The following DIAPH1 variants were observed in gnomAD, a reference collection of about 807,000 sequenced individuals.
The protein encoded by DIAPH1 is diaphanous related formin 1, also known as protein diaphanous homolog 1.
A neutral mutation model predicts 140.7 loss-of-function variants in DIAPH1; 46 were observed. The ratio of observed to expected loss-of-function variants is 0.33; its 90% CI spans 0.26 to 0.42. DIAPH1 has a LOEUF of 0.42. Ranked by LOEUF, DIAPH1 falls within the 10% of genes least tolerant of loss-of-function variation. DIAPH1 has a pLI of 1.00. For synonymous variants in DIAPH1, 565 were observed against 551.6 expected (o/e 1.02, Z -0.34); for missense variants, 1,310 against 1,558.7 (o/e 0.84, Z 2.69).
At position 141,588,262 on chromosome 5, in the gene DIAPH1, GA is replaced by G; in HGVS notation, c.118-13del. The stretch of plus-strand genomic sequence containing the variant: ...AGCCGCTTCAGAGTCTAGGAAACAG[GA>G]AAAAGGAGGGAGAAGAAAGAAGAGA... On this transcript the variant is annotated splice_polypyrimidine_tract_variant and intron_variant, in intron 1 of 27. Transcript: ENST00000389054. 4 of 1,608,312 alleles carry G rather than the reference GA, an allele frequency of 2.5e-6. No homozygotes were observed. The highest frequency in any genetic ancestry group is 3.4e-6 in the Non-Finnish European group (4 of 1,175,076).
At chr5:141,533,992 T>C (rs929379469) in intron 19 of DIAPH1, among the ~76,000 whole-genome samples, 3 of 136,692 alleles carry the variant, frequency 2.2e-5, no homozygotes, top group African/African-American at 8.4e-5. Flanking sequence ...GATCGCATTA[T>C]TACACCCCAG....
At chr5:141,529,381 G>C (rs1415651314) in intron 20 of DIAPH1, 108 bp from the exon 21 acceptor site, 9 of 1,011,738 alleles carry the variant, frequency 8.9e-6, no homozygotes, top group Non-Finnish European at 1.2e-5. Flanking sequence ...GGACCATACA[G>C]AAAGAAACAT....
chr5:141,576,329 A>G (rs758021661), intron 13 of DIAPH1, 35 bp from the exon 14 acceptor site: 1 of 1,507,490 alleles, frequency 6.6e-7, no homozygotes, highest in East Asian at 2.2e-5. Flanking sequence ...TAAAGCTCCT[A>G]ATTCTCTTGT....
chr5:141,530,147 T>C (rs931297690), intron 19 of DIAPH1, among the ~76,000 whole-genome samples: 13 of 152,214 alleles, frequency 8.5e-5, no homozygotes, highest in Non-Finnish European at 1.6e-4. Context: ...TCTCAGGACG[T>C]GATCCTCAAA....
chr5:141,578,190 C>A (rs777413055), intron 11 of DIAPH1, 35 bp downstream of exon 11: 1 of 1,462,500 alleles, frequency 6.8e-7, no homozygotes, highest in South Asian at 1.1e-5. Flanking sequence ...CAATGAATGT[C>A]TCATCTGCCT....
At chr5:141,607,135 A>C (rs1213457884) in intron 1 of DIAPH1, among the ~76,000 whole-genome samples, 1 of 152,206 alleles carries the variant, frequency 6.6e-6, no homozygotes, top group Non-Finnish European at 1.5e-5. Context: ...CCCCAAAATA[A>C]GATATAAACA....
intron 11 of DIAPH1, 110 bp downstream of exon 11, chr5:141,578,115 C>A: frequency 1.2e-6 from 1 of 847,166 alleles, no homozygotes; most frequent in Non-Finnish European, 2.1e-6. Context: ...GACACATAAG[C>A]CTGATGCTCT....
intron 1 of DIAPH1, among the ~76,000 whole-genome samples, chr5:141,607,651 C>G (rs1024958660): frequency 3.3e-5 from 5 of 152,196 alleles, no homozygotes; most frequent in African/African-American, 1.2e-4. Flanking sequence ...AAAATAATTT[C>G]TATGAAGTGG....
intron 26 of DIAPH1, 99 bp downstream of exon 26, chr5:141,525,939 G>C (rs1320300283): frequency 1.9e-6 from 3 of 1,586,366 alleles, no homozygotes; most frequent in Non-Finnish European, 1.7e-6. Context: ...TCATTTGCCA[G>C]GAGGTGAGCT....
intron 1 of DIAPH1, among the ~76,000 whole-genome samples, chr5:141,600,595 A>G (rs1219608871): frequency 1.3e-5 from 2 of 152,186 alleles, no homozygotes; most frequent in African/African-American, 2.4e-5. Flanking sequence ...TATGATTTTG[A>G]GCAAACATGC....
At chr5:141,587,578 T>C (rs897171736) in intron 2 of DIAPH1, 2 of 280,312 alleles carry the variant, frequency 7.1e-6, no homozygotes, top group African/African-American at 2.2e-5. Context: ...CAACAATAAA[T>C]GTTGCTAGGA....
intron 8 of DIAPH1, among the ~76,000 whole-genome samples, chr5:141,579,720 C>T (rs1213013704): frequency 6.6e-6 from 1 of 152,006 alleles, no homozygotes; most frequent in Non-Finnish European, 1.5e-5. Context: ...GAGGCCGAGG[C>T]GGGCGGATCA....
intron 18 of DIAPH1, among the ~76,000 whole-genome samples, chr5:141,555,136 T>A (rs2099892368): frequency 6.6e-6 from 1 of 152,204 alleles, no homozygotes; most frequent in South Asian, 2.1e-4. Context: ...CACGTCCCCC[T>A]CTGATTACAA....
intron 1 of DIAPH1, among the ~76,000 whole-genome samples, chr5:141,598,759 A>G (rs1332849871): frequency 6.6e-6 from 1 of 152,262 alleles, no homozygotes; most frequent in African/African-American, 2.4e-5. Flanking sequence ...AAGCTAATTA[A>G]TAACTTAATG....
At chr5:141,574,306 G>C in intron 15 of DIAPH1, 98 bp from the exon 16 acceptor site, 1 of 1,229,344 alleles carries the variant, frequency 8.1e-7, no homozygotes. Context: ...AACTTCTCAT[G>C]TTACAAATGG....
rs560265135 is a variant in DIAPH1 at position 141,558,019 on chromosome 5, G to C, written c.2482+13409C>G. On this transcript the variant is annotated intron_variant, in intron 18 of 27. Coordinates refer to ENST00000389054, the MANE Select transcript of DIAPH1 (RefSeq NM_005219.5). ...GCGGTGGGGAGTGCCAGACAGTAAA[G>C]CGAAGGGAAAGGGCACCCCCTGGCG... Among the ~76,000 whole-genome samples the C allele has an allele frequency of 3.9e-5, 6 of 152,250 alleles. No homozygotes were observed. The South Asian group carries it at 1.2e-3, about 32-fold the overall frequency.
chr5:141,572,218 TC>T (rs2099895293), intron 16 of DIAPH1, among the ~76,000 whole-genome samples, 178 bp from the exon 17 acceptor site: 3 of 152,224 alleles, frequency 2.0e-5, no homozygotes, highest in African/African-American at 7.2e-5. Context: ...TACTTCCAGT[TC>T]ATCTGTTAAT....
intron 1 of DIAPH1, among the ~76,000 whole-genome samples, chr5:141,598,301 T>C (rs2099899623): frequency 6.6e-6 from 1 of 152,232 alleles, no homozygotes; most frequent in South Asian, 2.1e-4. Context: ...TAGGAGTTTT[T>C]ATGCAATAGA....
intron 18 of DIAPH1, chr5:141,564,160 T>C (rs950463442): frequency 2.3e-4 from 35 of 152,370 alleles, no homozygotes; most frequent in African/African-American, 8.2e-4. Flanking sequence ...AACACGAATA[T>C]TGCTACTATT....
Sources: gnomAD v4.1 joint callset for allele counts (sites outside exome capture counted in the v4.1 genomes callset) on GRCh38, gnomAD v4.1.1 for gene constraint, MANE v1.5 for transcripts, NCBI Gene and HGNC (gene_info 2026-07-23, HGNC 2026-07-21) for gene names.